The following TUBA1C variants were observed in gnomAD, a reference collection of about 807,000 sequenced individuals.
The protein encoded by TUBA1C is tubulin alpha 1c.
In TUBA1C, 16 loss-of-function variants were observed where a neutral mutation model predicts 34.9. The ratio of observed to expected loss-of-function variants is 0.46; its 90% CI spans 0.31 to 0.70. TUBA1C has a LOEUF of 0.70. Ranked by LOEUF, TUBA1C falls within the 30% of genes least tolerant of loss-of-function variation. The pLI is 0.05. For synonymous variants in TUBA1C, 177 were observed against 215.9 expected (o/e 0.82, Z 1.58); for missense variants, 329 against 587.3 (o/e 0.56, Z 4.55).
At chr12:49,246,667 C>CA (rs200302719) in intron 1 of TUBA1C, among the ~76,000 whole-genome samples, 2,554 of 145,918 alleles carry the variant, frequency 0.018, 75 homozygotes, top group African/African-American at 0.06. Context: ...GAGCCCGTCT[C>CA]AAAAAAAAAA....
chr12:49,234,629 A>AGCC (rs1445866172), intron 1 of TUBA1C, among the ~76,000 whole-genome samples: 1 of 152,114 alleles, frequency 6.6e-6, no homozygotes, highest in Non-Finnish European at 1.5e-5. Flanking sequence ...TCCAGGCCGC[A>AGCC]GCCGCCGCCC....
chr12:49,261,927 C>T (rs1010963964), upstream of TUBA1C, among the ~76,000 whole-genome samples: 1 of 152,138 alleles, frequency 6.6e-6, no homozygotes, highest in African/African-American at 2.4e-5. Context: ...TCTGGTGATT[C>T]TTCAGTCAAG....
In TUBA1C at chr12:49,229,243, G is replaced by A. The variant is rs183463654; in HGVS notation, c.213+1077G>A. Among the ~76,000 whole-genome samples the A allele has an allele frequency of 5.9e-5, 9 of 152,034 alleles. No individual in the cohort carries two copies. In the East Asian group the frequency reaches 1.7e-3, roughly 30 times the overall value. ...GGCTGGAGTGCAGTGGCATAATCTC[G>A]GCTCACTGCAACCTCTGCCTCCTGG... is the stretch of plus-strand genomic sequence containing the variant. On this transcript the variant is annotated intron_variant, in intron 1 of 3. Transcript: ENST00000541364.
chr12:49,232,947 CTG>C (rs1942512278), intron 1 of TUBA1C: 1 of 152,198 alleles, frequency 6.6e-6, no homozygotes. Flanking sequence ...GGCTTCAAAA[CTG>C]TGCTGTCCAA....
intron 1 of TUBA1C, among the ~76,000 whole-genome samples, chr12:49,251,827 G>A (rs1005932890): frequency 2.7e-5 from 4 of 150,438 alleles, no homozygotes; most frequent in Non-Finnish European, 5.9e-5. Context: ...TTTATTCCAA[G>A]GATGCATGGT....
At chr12:49,271,042 G>A (rs1234827084) in intron 3 of TUBA1C, among the ~76,000 whole-genome samples, 1 of 152,114 alleles carries the variant, frequency 6.6e-6, no homozygotes, top group African/African-American at 2.4e-5. Context: ...GGAAAATCAG[G>A]GACCTGCCTT....
intron 1 of TUBA1C, among the ~76,000 whole-genome samples, chr12:49,235,334 GGCGCCATCTGCTGGAC>G (rs1478702104): frequency 3.0e-4 from 45 of 152,186 alleles, no homozygotes; most frequent in Non-Finnish European, 5.1e-4. Flanking sequence ...ATTCAGCTGG[GGCGCCATCTGCTGGAC>G]GCGCCGCGCC....
intron 3 of TUBA1C, among the ~76,000 whole-genome samples, chr12:49,270,645 G>A (rs148619118): frequency 6.3e-4 from 96 of 152,250 alleles, no homozygotes; most frequent in African/African-American, 2.2e-3. Flanking sequence ...AGATGTTTAC[G>A]TAGTCTTCCC....
upstream of TUBA1C, among the ~76,000 whole-genome samples, chr12:49,263,799 G>A (rs1053321374): frequency 6.6e-6 from 1 of 152,234 alleles, no homozygotes; most frequent in East Asian, 1.9e-4. Flanking sequence ...GGCACATTTA[G>A]TATGACGCAG....
At chr12:49,254,484 CA>C (rs764051406) in intron 1 of TUBA1C, among the ~76,000 whole-genome samples, 307 of 29,698 alleles carry the variant, frequency 0.01, no homozygotes, top group Non-Finnish European at 0.012. Flanking sequence ...TCCATCTAAA[CA>C]AAAAAAAAAA....
upstream of TUBA1C, among the ~76,000 whole-genome samples, chr12:49,264,389 AAT>A (rs1241418014): frequency 6.6e-6 from 1 of 152,208 alleles, no homozygotes; most frequent in African/African-American, 2.4e-5. Context: ...AAAAGGTGGG[AAT>A]AGAGTTTAAG....
At chr12:49,240,226 G>T (rs1378037790) in intron 1 of TUBA1C, among the ~76,000 whole-genome samples, 1 of 151,078 alleles carries the variant, frequency 6.6e-6, no homozygotes, top group Non-Finnish European at 1.5e-5. Context: ...AAACTTTTCT[G>T]GAGATGACCT....
At chr12:49,234,927 C>G (rs1942536436) in intron 1 of TUBA1C, among the ~76,000 whole-genome samples, 1 of 152,086 alleles carries the variant, frequency 6.6e-6, no homozygotes, top group Non-Finnish European at 1.5e-5. Context: ...AAGCGATTCT[C>G]CTGCCTCAGA....
At chr12:49,249,962 C>T (rs1365738741) in intron 1 of TUBA1C, among the ~76,000 whole-genome samples, 1 of 148,776 alleles carries the variant, frequency 6.7e-6, no homozygotes, top group Non-Finnish European at 1.5e-5. Flanking sequence ...TTTGGGAGGC[C>T]GAGGCAGGTG....
intron 1 of TUBA1C, among the ~76,000 whole-genome samples, chr12:49,255,497 C>G (rs1175081545): frequency 6.6e-6 from 1 of 151,536 alleles, no homozygotes; most frequent in African/African-American, 2.4e-5. Context: ...ATGTGATCCA[C>G]CCACTTGGTC....
At chr12:49,266,867 C>A (rs943120718) in intron 1 of TUBA1C, among the ~76,000 whole-genome samples, 2 of 152,062 alleles carry the variant, frequency 1.3e-5, no homozygotes, top group Non-Finnish European at 2.9e-5. Context: ...ATATAAAAAT[C>A]AAATGTAAAT....
At chr12:49,267,414 T>C (rs1018861252) in intron 1 of TUBA1C, among the ~76,000 whole-genome samples, 1 of 152,084 alleles carries the variant, frequency 6.6e-6, no homozygotes, top group Non-Finnish European at 1.5e-5. Context: ...ATCCCAGCAC[T>C]TTGGGAGGCC....
rs1409893514 is a variant in TUBA1C at position 49,273,453 on chromosome 12, A to G, written c.*226A>G. ...CAGGCTGGAGTGCAGTGGCATGATA[A>G]TACATAGCTCATTGCAGCCTCGAGC... is the stretch of plus-strand genomic sequence containing the variant. On this transcript the variant is annotated 3_prime_UTR_variant, in exon 4 of 4. Transcript: ENST00000301072. 4.3e-6 allele frequency: 3 copies of G among 698,878 alleles called. No homozygotes were observed. The highest frequency in any genetic ancestry group is 7.0e-6 in the Non-Finnish European group (3 of 428,562). 43.3% of individuals were successfully genotyped at this position (698,878 alleles called of 1,614,324 possible). A position where few individuals can be genotyped will look rare whatever the true frequency, so the allele number is the denominator to read the frequency against.
At chr12:49,258,007 T>C (rs77996531) in intron 1 of TUBA1C, 63,384 of 157,728 alleles carry the variant, frequency 0.4, 14,635 homozygotes, top group East Asian at 0.82. Flanking sequence ...TACAGGTATG[T>C]GCCACCACAT....
Sources: gnomAD v4.1 joint callset for allele counts (sites outside exome capture counted in the v4.1 genomes callset) on GRCh38, gnomAD v4.1.1 for gene constraint, MANE v1.5 for transcripts, NCBI Gene and HGNC (gene_info 2026-07-23, HGNC 2026-07-21) for gene names.